The following C9orf72 variants were observed in gnomAD, a reference collection of about 807,000 sequenced individuals.
C9orf72 encodes C9orf72-SMCR8 complex subunit.
In C9orf72, 44 loss-of-function variants were observed where a neutral mutation model predicts 51.6. That is an observed-to-expected ratio of 0.85 (90% CI 0.67 to 1.10). The LOEUF (loss-of-function observed/expected upper bound fraction) is 1.10. Among genes scored for constraint, C9orf72 ranks in the 50% least tolerant of loss-of-function variants. C9orf72 has a pLI of 0.00. For missense variants in C9orf72, 607 were observed against 570.6 expected, an observed-to-expected ratio of 1.06 and a Z score of -0.65; for synonymous variants, 213 against 194.2, an observed-to-expected ratio of 1.10 and a Z score of -0.81.
intron 9 of C9orf72, among the ~76,000 whole-genome samples, chr9:27,549,788 A>AAAC: frequency 6.6e-6 from 1 of 151,824 alleles, no homozygotes; most frequent in South Asian, 2.1e-4. Flanking sequence ...AAAAAAAAAA[A>AAAC]AAAACTTACT....
intron 7 of C9orf72, among the ~76,000 whole-genome samples, chr9:27,557,999 TTC>T (rs1410497868): frequency 1.3e-5 from 2 of 150,950 alleles, no homozygotes. Context: ...TAATTTACAT[TTC>T]TCTGTTTTGC....
intron 1 of C9orf72, among the ~76,000 whole-genome samples, chr9:27,571,615 C>T (rs1819587909): frequency 6.6e-6 from 1 of 152,080 alleles, no homozygotes; most frequent in African/African-American, 2.4e-5. Context: ...ATCACCACGC[C>T]CGGCTAAGTT....
chr9:27,567,060 C>G lies in C9orf72; in HGVS notation c.61G>C (p.Gly21Arg). The change falls in exon 2 of 11, where the codon GGC becomes CGC. Residue 21 changes from glycine to arginine, a missense_variant. By Grantham distance (125) the Gly-to-Arg change is moderately radical. Transcript: ENST00000380003. ...AVAKTEIALS[G>R]KSPLLAATFA... ...GTAGCTGCTAATAAAGGTGATTTGC[C>G]ACTTAAAGCAATCTCTGTCTTGGCA... 2 of 1,613,948 alleles carry G rather than the reference C, an allele frequency of 1.2e-6. No individual in the cohort carries two copies. Among genetic ancestry groups the G allele is most frequent in the Non-Finnish European group, 1.7e-6 (2 of 1,179,890 alleles).
chr9:27,562,401 T>C lies in C9orf72; in HGVS notation c.580A>G (p.Ser194Gly). 6.3e-7 allele frequency: 1 copy of C among 1,586,158 alleles called. No individual in the cohort carries two copies. The highest frequency in any genetic ancestry group is 8.6e-7 in the Non-Finnish European group (1 of 1,163,296). ...CTTACATCTATTTCTTCAGGAACAC[T>C]GTGTGATTTCATAGATGAAAGCAGT... ...MELLSSMKSH[S>G]VPEEIDIADT... is the part of the protein sequence containing the mutation. Residue 194 changes from serine (S) to glycine (G), a missense_variant, in exon 4 of 11, where the codon AGT becomes GGT. By Grantham distance (56) the Ser-to-Gly change is moderately conservative. Transcript: ENST00000380003.
chr9:27,555,201 A>T (rs1820985025), intron 8 of C9orf72, among the ~76,000 whole-genome samples: 1 of 152,212 alleles, frequency 6.6e-6, no homozygotes, highest in Non-Finnish European at 1.5e-5. Flanking sequence ...ACTGACATGT[A>T]ATTTCAGTTG....
chr9:27,558,786 T>G (rs1819271598), intron 6 of C9orf72, 179 bp from the exon 7 acceptor site: 1 of 477,652 alleles, frequency 2.1e-6, no homozygotes, highest in African/African-American at 2.0e-5. Flanking sequence ...AGGGATTCTG[T>G]GGTCAAATAA....
At chr9:27,548,518 T>G (rs201564924) in intron 10 of C9orf72, 39 bp downstream of exon 10, 1 of 1,418,094 alleles carries the variant, frequency 7.1e-7, no homozygotes, top group Non-Finnish European at 9.5e-7. Context: ...AAAAAAACAA[T>G]GTACAAAGGT....
chr9:27,553,845 A>C (rs978365652), intron 8 of C9orf72, among the ~76,000 whole-genome samples: 2 of 152,186 alleles, frequency 1.3e-5, no homozygotes, highest in South Asian at 2.1e-4. Flanking sequence ...AAAACTAATT[A>C]ACAAGCAAAA....
intron 3 of C9orf72, among the ~76,000 whole-genome samples, chr9:27,564,152 A>C (rs568198228): frequency 1.9e-3 from 249 of 134,114 alleles, no homozygotes; most frequent in Middle Eastern, 7.3e-3. Flanking sequence ...AAGCTCAACA[A>C]CACCAAAAAA....
chr9:27,555,321 G>A (rs1474379865), intron 8 of C9orf72, among the ~76,000 whole-genome samples: 2 of 152,138 alleles, frequency 1.3e-5, no homozygotes, highest in African/African-American at 4.8e-5. Context: ...TCTGCACCTT[G>A]AGATGTATAA....
intron 5 of C9orf72, chr9:27,561,369 C>T: frequency 7.8e-7 from 1 of 1,279,282 alleles, no homozygotes; most frequent in Non-Finnish European, 9.8e-7. Flanking sequence ...GGGATGGAAA[C>T]TCGGTTTCTT....
intron 1 of C9orf72, among the ~76,000 whole-genome samples, chr9:27,573,208 G>GCGCCGCCGC (rs546630378): frequency 0.027 from 4,051 of 151,902 alleles, 163 homozygotes; most frequent in African/African-American, 0.09. Flanking sequence ...CCTTGTCCCT[G>GCGCCGCCGC]CGCCGCCGCC....
At chr9:27,562,333 A>T (rs1234551493) in intron 4 of C9orf72, 48 bp downstream of exon 4, 5 of 869,444 alleles carry the variant, frequency 5.8e-6, no homozygotes, top group Non-Finnish European at 8.8e-6. Flanking sequence ...ATAATACTAT[A>T]ACCCCAAAAA....
intron 3 of C9orf72, among the ~76,000 whole-genome samples, chr9:27,563,533 T>C: frequency 6.6e-6 from 1 of 152,206 alleles, no homozygotes; most frequent in East Asian, 1.9e-4. Flanking sequence ...CTAGTTGTTT[T>C]TCCTCACTTA....
In C9orf72 at chr9:27,554,805, A is replaced by G. The variant is rs189538040; in HGVS notation, c.1091+1756T>C. On this transcript the variant is annotated intron_variant, in intron 8 of 10. Coordinates refer to ENST00000380003, the MANE Select transcript of C9orf72 (RefSeq NM_018325.5). ...TTAACACACAATCTAGTGGCTGAAA[A>G]TACTATTTTTTGGACAATTTTATGT... Among the ~76,000 whole-genome samples, 211 of 152,332 alleles carry G rather than the reference A, an allele frequency of 1.4e-3. 1 individual carries two copies. The highest frequency in any genetic ancestry group is 4.8e-3 in the African/African-American group (200 of 41,572).
At chr9:27,554,121 A>T (rs550424630) in intron 8 of C9orf72, among the ~76,000 whole-genome samples, 1 of 152,306 alleles carries the variant, frequency 6.6e-6, no homozygotes, top group South Asian at 2.1e-4. Flanking sequence ...TTCTCAAATA[A>T]CTGAAAATAG....
chr9:27,556,928 G>A (rs1287581073), intron 7 of C9orf72, 132 bp from the exon 8 acceptor site: 3 of 645,306 alleles, frequency 4.6e-6, no homozygotes, highest in Non-Finnish European at 8.1e-6. Flanking sequence ...CTATTCATGA[G>A]TGTGTGCAAA....
intron 9 of C9orf72, among the ~76,000 whole-genome samples, chr9:27,549,874 C>T (rs1187498767): frequency 2.0e-5 from 3 of 151,032 alleles, no homozygotes; most frequent in African/African-American, 4.9e-5. Flanking sequence ...TGTTAATATA[C>T]AGGCTCTTCC....
At chr9:27,552,347 T>C (rs1370884830) in intron 8 of C9orf72, among the ~76,000 whole-genome samples, 2 of 72,950 alleles carry the variant, frequency 2.7e-5, no homozygotes, top group Non-Finnish European at 6.2e-5. Flanking sequence ...TTTAGGATTG[T>C]TTGTGATTTT....
Sources: gnomAD v4.1 joint callset for allele counts (sites outside exome capture counted in the v4.1 genomes callset) on GRCh38, gnomAD v4.1.1 for gene constraint, MANE v1.5 for transcripts, NCBI Gene and HGNC (gene_info 2026-07-23, HGNC 2026-07-21) for gene names.